The following NPIPA5 variants were observed in gnomAD, a reference collection of about 807,000 sequenced individuals.
The protein encoded by NPIPA5 is nuclear pore complex interacting protein family member A5, also known as nuclear pore complex-interacting protein family member A5.
Under a neutral mutation model 21.4 loss-of-function variants are expected in NPIPA5, and 6 were observed. The ratio of observed to expected loss-of-function variants is 0.28; its 90% confidence interval spans 0.15 to 0.55. NPIPA5 has a LOEUF of 0.55. Ranked by LOEUF, NPIPA5 falls within the 20% of genes least tolerant of loss-of-function variation. The pLI is 0.93. For missense variants in NPIPA5, 99 were observed against 318.2 expected (o/e 0.31, Z 5.24); for synonymous variants, 33 against 115.3 (o/e 0.29, Z 4.57).
upstream of NPIPA5, among the ~76,000 whole-genome samples, chr16:15,379,043 C>G (rs906955642): frequency 6.6e-6 from 1 of 151,434 alleles, no homozygotes; most frequent in Non-Finnish European, 1.5e-5. Flanking sequence ...CTGTCCATCA[C>G]CTTTCCTGGC....
rs374611437 is a variant in NPIPA5 at position 15,363,785 on chromosome 16, G to A, written c.927C>T (p.Ala309=). 3.5e-4 allele frequency: 299 copies of A among 861,350 alleles called. 30 individuals carry two copies. Among genetic ancestry groups the A allele is most frequent in the Non-Finnish European group, 4.4e-4 (294 of 674,894 alleles). The allele number at this position is 861,350 out of a possible 1,614,324, so 53.4% of individuals were successfully genotyped here. The change falls in exon 8 of 8, where the codon GCC becomes GCT. Residue 309 remains alanine, a synonymous_variant. Coordinates refer to ENST00000360151, the MANE Select transcript of NPIPA5 (RefSeq NM_001277325.2). ...PSADDNLKTP[A]ECLLTPLPPS... is the part of the protein sequence containing the mutation. ...GTGGAAGGGGAGTGAGCAGACACTCGGCAGGTGTCTTGAGATTATCATCCG... is the reference window on the plus strand; with the variant it reads ...GTGGAAGGGGAGTGAGCAGACACTCAGCAGGTGTCTTGAGATTATCATCCG...
intron 1 of NPIPA5, among the ~76,000 whole-genome samples, chr16:15,377,436 CATCT>C (rs1203682461): frequency 2.1e-5 from 3 of 145,400 alleles, no homozygotes; most frequent in Non-Finnish European, 4.5e-5. Flanking sequence ...CCACAGCACC[CATCT>C]ACTCACACAG....
chr16:15,375,411 T>C (rs199669552), intron 1 of NPIPA5, among the ~76,000 whole-genome samples: 2 of 145,046 alleles, frequency 1.4e-5, no homozygotes, highest in African/African-American at 5.0e-5. Flanking sequence ...GAAGAGATTA[T>C]TTCATTCACA....
intron 1 of NPIPA5, among the ~76,000 whole-genome samples, chr16:15,376,698 C>T (rs867122234): frequency 2.0e-5 from 3 of 152,146 alleles, no homozygotes; most frequent in African/African-American, 2.4e-5. Context: ...AGGCGGATCA[C>T]GAGGTCAAGA....
upstream of NPIPA5, among the ~76,000 whole-genome samples, chr16:15,380,475 A>G (rs960101796): frequency 6.6e-6 from 1 of 151,894 alleles, no homozygotes; most frequent in Non-Finnish European, 1.5e-5. Context: ...GGCTGACACC[A>G]CCATGCCCGG....
At chr16:15,380,978 G>C, upstream of NPIPA5, 1 of 1,489,176 alleles carries the variant, frequency 6.7e-7, no homozygotes, top group Non-Finnish European at 8.9e-7. Flanking sequence ...TGCTGCTGCA[G>C]CTCCTTGGTG....
At chr16:15,370,504 T>A (rs62037828) in intron 2 of NPIPA5, among the ~76,000 whole-genome samples, 1 of 144,424 alleles carries the variant, frequency 6.9e-6, no homozygotes, top group African/African-American at 2.5e-5. Flanking sequence ...GTAATCCCAG[T>A]ACTTTGGGAG....
intron 1 of NPIPA5, among the ~76,000 whole-genome samples, chr16:15,376,905 C>T (rs1390786041): frequency 1.3e-5 from 2 of 152,024 alleles, no homozygotes; most frequent in African/African-American, 2.4e-5. Context: ...ACCCCGGAAG[C>T]GGAGGTTGCA....
At chr16:15,376,968 T>C (rs1222985766) in intron 1 of NPIPA5, among the ~76,000 whole-genome samples, 1 of 152,102 alleles carries the variant, frequency 6.6e-6, no homozygotes, top group East Asian at 1.9e-4. Context: ...AGTGAGACTC[T>C]GTCTAAAAAA....
chr16:15,367,485 G>C (rs953733328), intron 4 of NPIPA5, among the ~76,000 whole-genome samples: 1 of 151,926 alleles, frequency 6.6e-6, no homozygotes, highest in South Asian at 2.1e-4. Flanking sequence ...CTTTAACAAG[G>C]TTCAGTTCAC....
At chr16:15,364,115 G>T in intron 7 of NPIPA5, 46 bp from the exon 8 acceptor site, 1 of 1,489,556 alleles carries the variant, frequency 6.7e-7, no homozygotes, top group East Asian at 2.8e-5. Context: ...TTCATTTGAT[G>T]GACAAAATTA....
Position 15,369,767 on chromosome 16 carries a change from T to C in NPIPA5, c.382A>G (p.Thr128Ala). The C allele has an allele frequency of 1.1e-6, 1 of 913,866 alleles. No individual in the cohort carries two copies. Among genetic ancestry groups the C allele is most frequent in the Non-Finnish European group, 1.6e-6 (1 of 643,274 alleles). The allele number at this position is 913,866 out of a possible 1,614,324, so 56.6% of individuals were successfully genotyped here. The change falls in exon 4 of 8, where the codon ACA becomes GCA. Residue 128 changes from threonine (T) to alanine (A), a missense_variant. Thr to Ala is a moderately conservative substitution (Grantham distance 58, BLOSUM62 0). Transcript: ENST00000360151. The stretch of plus-strand genomic sequence containing the variant: ...ATTTTGTCATGACGGTTGACTTTTG[T>C]TGTCACCTTCATCTTACGGATTTTA... ...RAKIRKMKVT[T>A]KVNRHDKING...
At chr16:15,372,224 G>A (rs1390711247) in intron 2 of NPIPA5, among the ~76,000 whole-genome samples, 20 of 147,142 alleles carry the variant, frequency 1.4e-4, no homozygotes, top group African/African-American at 4.0e-4. Flanking sequence ...GGTGGCTCAC[G>A]CTTGTAATCC....
chr16:15,381,038 G>A (rs1297427872), upstream of NPIPA5: 2 of 1,515,718 alleles, frequency 1.3e-6, no homozygotes, highest in Non-Finnish European at 1.8e-6. Context: ...ACAATAGAGA[G>A]CTTCACCATT....
upstream of NPIPA5, among the ~76,000 whole-genome samples, chr16:15,379,958 A>T (rs536655481): frequency 3.8e-3 from 571 of 150,686 alleles, 1 homozygote; most frequent in African/African-American, 0.013. Flanking sequence ...AAAAATAAAA[A>T]ATATATATAT....
At chr16:15,374,454 C>T (rs1436184510) in intron 1 of NPIPA5, among the ~76,000 whole-genome samples, 1 of 151,674 alleles carries the variant, frequency 6.6e-6, no homozygotes, top group Non-Finnish European at 1.5e-5. Context: ...CCTCGGCCTC[C>T]CAAAGTGCTG....
At chr16:15,380,392 G>A (rs1308964628), upstream of NPIPA5, among the ~76,000 whole-genome samples, 8 of 150,652 alleles carry the variant, frequency 5.3e-5, no homozygotes, top group Non-Finnish European at 1.0e-4. Context: ...GCGTGATCTC[G>A]GCCCACTAAA....
chr16:15,368,320 A>G (rs1021659106), intron 4 of NPIPA5, among the ~76,000 whole-genome samples: 3 of 151,624 alleles, frequency 2.0e-5, no homozygotes, highest in African/African-American at 7.3e-5. Flanking sequence ...CTTTGTAGGG[A>G]CTGAGCCTGC....
upstream of NPIPA5, chr16:15,381,149 T>C: frequency 2.2e-6 from 3 of 1,336,826 alleles, no homozygotes; most frequent in South Asian, 4.3e-5. Context: ...TGTTTGAGTC[T>C]ATAGTGGTCA....
Sources: gnomAD v4.1 joint callset for allele counts (sites outside exome capture counted in the v4.1 genomes callset) on GRCh38, gnomAD v4.1.1 for gene constraint, MANE v1.5 for transcripts, NCBI Gene and HGNC (gene_info 2026-07-23, HGNC 2026-07-21) for gene names.